Variants in SLC22A16 observed in about 807,000 individuals in gnomAD.
The protein encoded by SLC22A16 is solute carrier family 22 member 16.
A neutral mutation model predicts 52.9 loss-of-function variants in SLC22A16; 53 were observed. The ratio of observed to expected loss-of-function variants is 1.00; its 90% CI spans 0.80 to 1.26. The LOEUF is 1.26. Among genes scored for constraint, SLC22A16 ranks in the 50% most tolerant of loss-of-function variants. The pLI is 0.00. For missense variants in SLC22A16, 726 were observed against 704.0 expected (o/e 1.03, Z -0.35); for synonymous variants, 291 against 268.8 (o/e 1.08, Z -0.81).
intron 3 of SLC22A16, among the ~76,000 whole-genome samples, chr6:110,444,082 T>C (rs1442670315): frequency 6.6e-6 from 1 of 152,178 alleles, no homozygotes; most frequent in Non-Finnish European, 1.5e-5. Context: ...TTAATATCAC[T>C]CAACTGTACA....
At chr6:110,426,894 G>A (rs1043748513) in intron 7 of SLC22A16, among the ~76,000 whole-genome samples, 1 of 151,914 alleles carries the variant, frequency 6.6e-6, no homozygotes, top group Admixed American at 6.6e-5. Flanking sequence ...AGGTTGCAGT[G>A]AGCCAAGATT....
intron 2 of SLC22A16, 94 bp downstream of exon 2, chr6:110,456,444 G>T: frequency 6.9e-7 from 1 of 1,441,368 alleles, no homozygotes; most frequent in Non-Finnish European, 9.4e-7. Flanking sequence ...GTATAAAAAT[G>T]ACAAGTTTTA....
chr6:110,434,377 A>G (rs765574829), intron 6 of SLC22A16, among the ~76,000 whole-genome samples: 40 of 152,252 alleles, frequency 2.6e-4, no homozygotes, highest in Admixed American at 1.0e-3. Context: ...GAGGGCTGCA[A>G]CAAGAAGTGT....
intron 1 of SLC22A16, among the ~76,000 whole-genome samples, chr6:110,459,535 G>C (rs1177078248): frequency 6.6e-6 from 1 of 152,212 alleles, no homozygotes; most frequent in Non-Finnish European, 1.5e-5. Flanking sequence ...GAAAGACTGA[G>C]AGACTGCTAC....
chr6:110,424,934 T>C lies in SLC22A16; in HGVS notation c.1673A>G (p.Asn558Ser), dbSNP rs1379328645. 2 of 1,614,138 alleles carry C rather than the reference T, an allele frequency of 1.2e-6. No homozygotes were observed. The highest frequency in any genetic ancestry group is 1.7e-5 in the Admixed American group (1 of 60,012). Residue 558 changes from asparagine to serine, a missense_variant, in exon 8 of 8, where the codon AAT becomes AGT. Asn to Ser is a conservative substitution (Grantham distance 46). Coordinates refer to ENST00000368919, the MANE Select transcript of SLC22A16 (RefSeq NM_033125.4). ...TTCCGTTTTTTCCAGCCCACTATTATTAGTTGTGAGAAGTAATTTGCTTGA... is the reference window on the plus strand; with the variant it reads ...TTCCGTTTTTTCCAGCCCACTATTACTAGTTGTGAGAAGTAATTTGCTTGA... ...SKSSKLLLTT[N>S]NSGLEKTEAI... is the part of the protein sequence containing the mutation.
At chr6:110,431,738 A>T (rs995151697) in intron 6 of SLC22A16, among the ~76,000 whole-genome samples, 18 of 152,192 alleles carry the variant, frequency 1.2e-4, no homozygotes, top group African/African-American at 3.6e-4. Context: ...AAATAATTTT[A>T]CTTAAATTTT....
At chr6:110,427,247 C>CAAAAAAAAAAAAA (rs71018390) in intron 7 of SLC22A16, among the ~76,000 whole-genome samples, 2 of 60,580 alleles carry the variant, frequency 3.3e-5, no homozygotes, top group Non-Finnish European at 7.2e-5. Context: ...GACCCAATCT[C>CAAAAAAAAAAAAA]AAAAAAAAAA....
chr6:110,425,456 T>C, intron 7 of SLC22A16: 1 of 1,294,112 alleles, frequency 7.7e-7, no homozygotes, highest in Middle Eastern at 2.1e-4. Flanking sequence ...GACAAGTAAC[T>C]GAGCCCTGGG....
intron 3 of SLC22A16, among the ~76,000 whole-genome samples, chr6:110,443,485 A>C (rs1379375216): frequency 6.6e-6 from 1 of 152,198 alleles, no homozygotes; most frequent in South Asian, 2.1e-4. Flanking sequence ...TCAATGCTAC[A>C]AAGAGATACC....
intron 2 of SLC22A16, 146 bp downstream of exon 2, chr6:110,456,392 C>T (rs1292662058): frequency 2.9e-6 from 3 of 1,036,710 alleles, no homozygotes; most frequent in Non-Finnish European, 4.2e-6. Context: ...TTATACATCC[C>T]TAAATAATGG....
At chr6:110,454,796 A>ATAAATATG (rs1245693000) in intron 2 of SLC22A16, among the ~76,000 whole-genome samples, 1 of 45,534 alleles carries the variant, frequency 2.2e-5, no homozygotes, top group African/African-American at 1.1e-4. Context: ...ATATAAATAT[A>ATAAATATG]TATAATATAT....
chr6:110,476,425 G>A, intron 1 of SLC22A16, 97 bp downstream of exon 1: 1 of 1,397,906 alleles, frequency 7.2e-7, no homozygotes, highest in Non-Finnish European at 9.3e-7. Context: ...AGATGTTTTC[G>A]GATCGCGAGC....
At chr6:110,437,225 T>G (rs1774770624) in intron 5 of SLC22A16, among the ~76,000 whole-genome samples, 1 of 151,974 alleles carries the variant, frequency 6.6e-6, no homozygotes, top group Non-Finnish European at 1.5e-5. Context: ...GGGGAAAAAT[T>G]TATTGGAGGG....
intron 7 of SLC22A16, among the ~76,000 whole-genome samples, chr6:110,428,831 A>T (rs1033451563): frequency 6.6e-6 from 1 of 152,108 alleles, no homozygotes; most frequent in Non-Finnish European, 1.5e-5. Flanking sequence ...GAGGCGGGAG[A>T]ATCTTTTGAA....
At chr6:110,455,995 T>C (rs1413906841) in intron 2 of SLC22A16, 2 of 152,502 alleles carry the variant, frequency 1.3e-5, no homozygotes, top group Non-Finnish European at 2.9e-5. Flanking sequence ...AATAAATTTC[T>C]ATTGTTTGTG....
At chr6:110,454,074 C>T (rs1444933438) in intron 2 of SLC22A16, among the ~76,000 whole-genome samples, 2 of 152,252 alleles carry the variant, frequency 1.3e-5, no homozygotes, top group African/African-American at 4.8e-5. Context: ...CCCCCATGGC[C>T]CAAACACCTC....
intron 5 of SLC22A16, among the ~76,000 whole-genome samples, chr6:110,438,118 T>C (rs74363057): frequency 0.034 from 5,183 of 152,074 alleles, 303 homozygotes; most frequent in African/African-American, 0.12. Flanking sequence ...CGCCCTCTCG[T>C]TACATTTACG....
At chr6:110,450,873 C>A (rs1193366106) in intron 2 of SLC22A16, among the ~76,000 whole-genome samples, 1 of 152,186 alleles carries the variant, frequency 6.6e-6, no homozygotes, top group Non-Finnish European at 1.5e-5. Flanking sequence ...TCTTGCACCT[C>A]TCTTTGTGAC....
At chr6:110,445,015 ACT>A (rs1371138717) in intron 3 of SLC22A16, among the ~76,000 whole-genome samples, 1 of 152,020 alleles carries the variant, frequency 6.6e-6, no homozygotes, top group Non-Finnish European at 1.5e-5. Context: ...ACTCCAAAAC[ACT>A]CTGTGAATCC....
Sources: gnomAD v4.1 joint callset for allele counts (sites outside exome capture counted in the v4.1 genomes callset) on GRCh38, gnomAD v4.1.1 for gene constraint, MANE v1.5 for transcripts, NCBI Gene and HGNC (gene_info 2026-07-23, HGNC 2026-07-21) for gene names.